BMAL1: variants seen among roughly 807,000 people sequenced by gnomAD.
The protein encoded by BMAL1 is basic helix-loop-helix ARNT like 1.
chr11:13,303,198 C>T, the BMAL1 span, among the ~76,000 whole-genome samples: 15 of 152,276 alleles, frequency 9.9e-5, no homozygotes, highest in South Asian at 1.2e-3. Context: ...TGGGCTTAAG[C>T]GGGCCTTTCT....
chr11:13,285,753 A>G, the BMAL1 span, among the ~76,000 whole-genome samples: 1 of 152,092 alleles, frequency 6.6e-6, no homozygotes, highest in South Asian at 2.1e-4. Flanking sequence ...CCTTGTAAAT[A>G]CTTACATACA....
the BMAL1 span, among the ~76,000 whole-genome samples, chr11:13,323,207 G>A: frequency 2.0e-5 from 3 of 152,112 alleles, no homozygotes; most frequent in South Asian, 6.2e-4. Context: ...GGTAGGAGGT[G>A]ACACACTGGG....
At chr11:13,386,536 A>T in the BMAL1 span, 1 of 1,443,016 alleles carries the variant, frequency 6.9e-7, no homozygotes, top group Non-Finnish European at 9.3e-7. Context: ...GGAATTGCTT[A>T]CTTAATCTGA....
the BMAL1 span, among the ~76,000 whole-genome samples, chr11:13,372,976 T>G: frequency 6.6e-6 from 1 of 152,198 alleles, no homozygotes; most frequent in Non-Finnish European, 1.5e-5. Flanking sequence ...TAGCATGCTG[T>G]CTGAATCTAT....
the BMAL1 span, among the ~76,000 whole-genome samples, chr11:13,369,157 C>T: frequency 3.3e-5 from 5 of 152,248 alleles, no homozygotes; most frequent in South Asian, 2.1e-4. Flanking sequence ...TAAGGCAGTC[C>T]GGCTCCCACC....
At chr11:13,351,170 G>A in the BMAL1 span, among the ~76,000 whole-genome samples, 9 of 152,194 alleles carry the variant, frequency 5.9e-5, no homozygotes, top group Non-Finnish European at 1.3e-4. Context: ...GATATTCAAG[G>A]GGGCTTCACT....
At chr11:13,328,440 C>CA in the BMAL1 span, among the ~76,000 whole-genome samples, 3 of 152,144 alleles carry the variant, frequency 2.0e-5, no homozygotes, top group African/African-American at 7.2e-5. Flanking sequence ...ATGAGCCTCT[C>CA]TTTGGAACAT....
the BMAL1 span, among the ~76,000 whole-genome samples, chr11:13,284,511 G>C: frequency 6.6e-6 from 1 of 151,106 alleles, no homozygotes; most frequent in Non-Finnish European, 1.5e-5. Context: ...CAGAGCTCTC[G>C]TCCTGAGCTC....
chr11:13,365,285 A>ACACACACT, the BMAL1 span: 1 of 239,684 alleles, frequency 4.2e-6, no homozygotes, highest in Non-Finnish European at 7.3e-6. Flanking sequence ...ATGCAGAAAC[A>ACACACACT]CACACACACA....
chr11:13,305,700 C>T, the BMAL1 span, among the ~76,000 whole-genome samples: 1 of 152,118 alleles, frequency 6.6e-6, no homozygotes, highest in Non-Finnish European at 1.5e-5. Flanking sequence ...AAAGCATCAG[C>T]CTGTCACCAT....
the BMAL1 span, chr11:13,386,510 A>G: frequency 7.5e-7 from 1 of 1,329,824 alleles, no homozygotes; most frequent in Non-Finnish European, 1.0e-6. Flanking sequence ...TAACTTTCTT[A>G]TTAAAAATGT....
the BMAL1 span, among the ~76,000 whole-genome samples, chr11:13,345,107 G>A: frequency 6.6e-6 from 1 of 152,204 alleles, no homozygotes; most frequent in African/African-American, 2.4e-5. Flanking sequence ...CATCATGGAA[G>A]GCTGCTACCC....
the BMAL1 span, chr11:13,357,043 T>C: frequency 6.2e-7 from 1 of 1,614,210 alleles, no homozygotes; most frequent in Non-Finnish European, 8.5e-7. The surrounding 1 kb of genome is among the most constrained non-coding windows in gnomAD (Gnocchi z 4.8). Flanking sequence ...TTTTGCTTTT[T>C]CCTCCCCCCA....
At chr11:13,361,422 C>T in the BMAL1 span, among the ~76,000 whole-genome samples, 1 of 152,164 alleles carries the variant, frequency 6.6e-6, no homozygotes, top group African/African-American at 2.4e-5. Context: ...CCCGCTTCCA[C>T]CTCCCACAAA....
the BMAL1 span, among the ~76,000 whole-genome samples, chr11:13,364,745 G>T: frequency 1.3e-5 from 2 of 152,140 alleles, no homozygotes; most frequent in Admixed American, 6.5e-5. Flanking sequence ...TATCTTAATG[G>T]CTGGCTTTAT....
At chr11:13,284,214 A>G in the BMAL1 span, among the ~76,000 whole-genome samples, 9,138 of 23,032 alleles carry the variant, frequency 0.4, 1,710 homozygotes, top group East Asian at 0.61. Context: ...ATATATGTGT[A>G]TATATATATA....
chr11:13,360,481 G>T, the BMAL1 span: 1 of 1,500,116 alleles, frequency 6.7e-7, no homozygotes, highest in South Asian at 1.2e-5. Context: ...TTTCAAGTAA[G>T]TACCAGCATG....
the BMAL1 span, among the ~76,000 whole-genome samples, chr11:13,297,517 G>A: frequency 1.3e-5 from 2 of 152,264 alleles, no homozygotes; most frequent in African/African-American, 4.8e-5. Flanking sequence ...GGTGCAGGGA[G>A]CAGTGCCAGC....
the BMAL1 span, among the ~76,000 whole-genome samples, chr11:13,280,725 C>G: frequency 6.6e-6 from 1 of 152,184 alleles, no homozygotes; most frequent in Non-Finnish European, 1.5e-5. Context: ...TCAGATTTAT[C>G]CCAAATACCC....
Sources: allele counts gnomAD v4.1 joint callset (sites outside exome capture counted in the v4.1 genomes callset), GRCh38; gene constraint gnomAD v4.1.1; non-coding constraint Gnocchi (gnomAD v3.1); transcripts MANE v1.5; gene names NCBI Gene and HGNC (gene_info 2026-07-23, HGNC 2026-07-21).